The following SNTG1 variants were observed in gnomAD, a reference collection of about 807,000 sequenced individuals.
SNTG1 encodes gamma-1-syntrophin.
Under a neutral mutation model 74.7 loss-of-function variants are expected in SNTG1, and 39 were observed. The observed-to-expected ratio is 0.52, with a 90% CI of 0.40 to 0.68. The LOEUF (loss-of-function observed/expected upper bound fraction) is 0.68. Ranked by LOEUF, SNTG1 falls within the 30% of genes least tolerant of loss-of-function variation. The probability of loss-of-function intolerance (pLI) is 0.00; values close to 1 mark genes in which losing one functional copy is unlikely to be tolerated. For synonymous variants in SNTG1, 254 were observed against 217.1 expected (o/e 1.17, Z -1.49); for missense variants, 685 against 609.5 (o/e 1.12, Z -1.30).
At chr8:50,550,537 C>A in intron 11 of SNTG1, among the ~76,000 whole-genome samples, 1 of 151,988 alleles carries the variant, frequency 6.6e-6, no homozygotes, top group East Asian at 1.9e-4. Flanking sequence ...ATGAATAAAC[C>A]TACTTTGAGA....
At chr8:50,752,350 T>C (rs567978387) in intron 18 of SNTG1, among the ~76,000 whole-genome samples, 5 of 152,132 alleles carry the variant, frequency 3.3e-5, no homozygotes, top group African/African-American at 1.2e-4. Context: ...TTTTAATTCC[T>C]TATGAACTGC....
intron 18 of SNTG1, among the ~76,000 whole-genome samples, chr8:50,780,899 T>C (rs1210122954): frequency 6.6e-6 from 1 of 152,222 alleles, no homozygotes; most frequent in African/African-American, 2.4e-5. Context: ...TTCTGGTATA[T>C]TGTGTCTTTG....
chr8:50,155,904 AAAAT>A (rs2082238842), intron 1 of SNTG1, among the ~76,000 whole-genome samples: 2 of 152,042 alleles, frequency 1.3e-5, no homozygotes, highest in Admixed American at 6.6e-5. Context: ...ATTGTAAAAG[AAAAT>A]AAACAGAAAA....
Position 50,486,099 on chromosome 8 carries a change from T to C in SNTG1, c.364-16679T>C, listed in dbSNP as rs1198811732. On this transcript the variant is annotated intron_variant, in intron 8 of 18. Coordinates refer to ENST00000642720, the MANE Select transcript of SNTG1 (RefSeq NM_018967.5). ...AGGTAGTGTGATGCCTCCAGCTTTG[T>C]TCTTTTGGCTTAGGATTGACTTGGC... Among the ~76,000 whole-genome samples the C allele has an allele frequency of 4.6e-5, 7 of 152,322 alleles. No individual in the cohort carries two copies. The South Asian group carries it at 1.4e-3, about 32-fold the overall frequency.
intron 8 of SNTG1, among the ~76,000 whole-genome samples, chr8:50,479,379 G>A (rs761276452): frequency 1.3e-5 from 2 of 151,932 alleles, no homozygotes; most frequent in East Asian, 3.9e-4. Context: ...GTTTTTAAGC[G>A]TTCCAAATCT....
At chr8:50,296,754 A>G (rs2089397179) in intron 2 of SNTG1, among the ~76,000 whole-genome samples, 1 of 152,214 alleles carries the variant, frequency 6.6e-6, no homozygotes, top group Non-Finnish European at 1.5e-5. Context: ...TGTTCTGCAC[A>G]TGTATCCCAG....
At chr8:50,046,160 C>G (rs538781061) in intron 1 of SNTG1, among the ~76,000 whole-genome samples, 1 of 152,164 alleles carries the variant, frequency 6.6e-6, no homozygotes, top group African/African-American at 2.4e-5. Flanking sequence ...ATCCTTCTTT[C>G]GACATTTTTC....
chr8:50,531,462 C>G (rs1277620764), intron 10 of SNTG1, among the ~76,000 whole-genome samples: 1 of 151,992 alleles, frequency 6.6e-6, no homozygotes, highest in Non-Finnish European at 1.5e-5. Flanking sequence ...AGATATACAA[C>G]CAAATTTTTT....
At chr8:50,306,467 T>C (rs7822550) in intron 2 of SNTG1, among the ~76,000 whole-genome samples, 90,054 of 151,938 alleles carry the variant, frequency 0.59, 29,337 homozygotes, top group East Asian at 0.85. Context: ...TTTAAATAAT[T>C]TCCATACTAT....
At chr8:50,409,419 G>A (rs1326628065) in intron 4 of SNTG1, among the ~76,000 whole-genome samples, 2 of 152,170 alleles carry the variant, frequency 1.3e-5, no homozygotes, top group African/African-American at 4.8e-5. Flanking sequence ...TTAGCATTGA[G>A]TTCATATCAG....
At chr8:50,220,384 A>G (rs1227670973) in intron 2 of SNTG1, among the ~76,000 whole-genome samples, 1 of 152,184 alleles carries the variant, frequency 6.6e-6, no homozygotes, top group African/African-American at 2.4e-5. Flanking sequence ...TCAAAAGATA[A>G]CAGGGATTAT....
intron 9 of SNTG1, among the ~76,000 whole-genome samples, chr8:50,505,848 T>G (rs2094001909): frequency 6.6e-6 from 1 of 152,124 alleles, no homozygotes; most frequent in African/African-American, 2.4e-5. Flanking sequence ...TTACAAAATT[T>G]TTAATTCTTC....
At chr8:50,164,060 A>G (rs2082522843) in intron 1 of SNTG1, 1 of 133,452 alleles carries the variant, frequency 7.5e-6, no homozygotes, top group Non-Finnish European at 1.6e-5. Context: ...GTTCCCATTG[A>G]TCTCAGAGAC....
At chr8:50,179,165 T>C (rs1333657627) in intron 2 of SNTG1, among the ~76,000 whole-genome samples, 2 of 152,220 alleles carry the variant, frequency 1.3e-5, no homozygotes, top group African/African-American at 4.8e-5. Context: ...CATTGGTCTA[T>C]GTATCTGTTT....
In SNTG1 at chr8:50,444,076, C is replaced by T. The variant is rs536687310; in HGVS notation, c.219+5477C>T. ...TCACTTGAACCGGGGAGGCAGAGGT[C>T]GCAGTGAGCTGAGATCACGCCTCTG... On this transcript the variant is annotated intron_variant, in intron 5 of 18. Transcript: ENST00000642720. Among the ~76,000 whole-genome samples, 20 of 151,976 alleles carry T rather than the reference C, an allele frequency of 1.3e-4. No individual in the cohort carries two copies. The South Asian group carries it at 3.5e-3, about 27-fold the overall frequency.
intron 2 of SNTG1, among the ~76,000 whole-genome samples, chr8:50,184,803 A>G (rs1243715015): frequency 2.0e-5 from 3 of 152,158 alleles, no homozygotes; most frequent in Non-Finnish European, 2.9e-5. Context: ...GGATTGGTAT[A>G]TTTTTGAGGA....
At position 50,021,578 on chromosome 8, in the gene SNTG1, A is replaced by G. The variant is rs919266170; in HGVS notation, c.-103+109347A>G. Among the ~76,000 whole-genome samples the G allele has an allele frequency of 2.6e-5, 4 of 152,142 alleles. No individual in the cohort carries two copies. In the East Asian group the frequency reaches 7.7e-4, roughly 29 times the overall value. On this transcript the variant is annotated intron_variant, in intron 1 of 18. Coordinates refer to ENST00000642720, the MANE Select transcript of SNTG1 (RefSeq NM_018967.5). Reference sequence around the variant, plus strand: ...AGTGGGTCTGGAGGGTCAATCCTGTATCATGGTGCTGATCAGTTATGTGGT... The same window carrying G: ...AGTGGGTCTGGAGGGTCAATCCTGTGTCATGGTGCTGATCAGTTATGTGGT...
rs186466873 is a variant in SNTG1 at position 50,637,314 on chromosome 8, A to G, written c.850-19595A>G. Among the ~76,000 whole-genome samples, 33 of 152,264 alleles carry G rather than the reference A, an allele frequency of 2.2e-4. 1 individual carries two copies. In the East Asian group the frequency reaches 5.0e-3, roughly 23 times the overall value. On this transcript the variant is annotated intron_variant, in intron 13 of 18. Coordinates refer to ENST00000642720, the MANE Select transcript of SNTG1 (RefSeq NM_018967.5). Reference sequence around the variant, plus strand: ...AACTCATGAACTCTTTATATAGAGTAGGCTCTCTCAATTCATGAGTTTACT... The same window carrying G: ...AACTCATGAACTCTTTATATAGAGTGGGCTCTCTCAATTCATGAGTTTACT...
At chr8:50,266,332 T>C (rs1421109961) in intron 2 of SNTG1, among the ~76,000 whole-genome samples, 1 of 152,112 alleles carries the variant, frequency 6.6e-6, no homozygotes. Flanking sequence ...GAGAATTCAG[T>C]AGAAAAATAT....
Sources: allele counts gnomAD v4.1 joint callset (sites outside exome capture counted in the v4.1 genomes callset), GRCh38; gene constraint gnomAD v4.1.1; transcripts MANE v1.5; gene names NCBI Gene and HGNC (gene_info 2026-07-23, HGNC 2026-07-21).